The following DZIP3 variants were observed in gnomAD, a reference collection of about 807,000 sequenced individuals.
DZIP3 encodes E3 ubiquitin-protein ligase DZIP3.
A neutral mutation model predicts 162.0 loss-of-function variants in DZIP3; 118 were observed. That is an observed-to-expected ratio of 0.73 (90% CI 0.63 to 0.85). The LOEUF (loss-of-function observed/expected upper bound fraction) is 0.85. DZIP3 is among the 40% of genes least tolerant of loss of function. The pLI is 0.00. For synonymous variants in DZIP3, 438 were observed against 458.6 expected (o/e 0.96, Z 0.57); for missense variants, 1,331 against 1,407.0 (o/e 0.95, Z 0.86).
chr3:108,663,511 G>A (rs1044964835), intron 21 of DZIP3, among the ~76,000 whole-genome samples: 5 of 150,556 alleles, frequency 3.3e-5, no homozygotes, highest in South Asian at 4.2e-4. Flanking sequence ...AGCCGAGATC[G>A]TGCCGTTGCA....
At position 108,646,403 on chromosome 3, in the gene DZIP3, C is replaced by T. The variant is rs375851440; in HGVS notation, c.1760-214C>T. On this transcript the variant is annotated intron_variant, in intron 14 of 32. Coordinates refer to ENST00000361582, the MANE Select transcript of DZIP3 (RefSeq NM_014648.4). ...ATCTGTGATACCACATTTTTGTTTA[C>T]TTTTTTTTCTCTAATCATGGGTTTA... Among the ~76,000 whole-genome samples, 107 of 152,022 alleles carry T rather than the reference C, an allele frequency of 7.0e-4. 1 individual carries two copies. The highest frequency in any genetic ancestry group is 2.4e-3 in the African/African-American group (98 of 41,478).
At position 108,633,054 on chromosome 3, in the gene DZIP3, G is replaced by A. The variant is rs1486320508; in HGVS notation, c.798G>A (p.Leu266=). The A allele has an allele frequency of 4.1e-6, 6 of 1,474,882 alleles. No individual in the cohort carries two copies. Among genetic ancestry groups the A allele is most frequent in the East Asian group, 2.6e-5 (1 of 39,142 alleles). 91.4% of individuals were successfully genotyped at this position (1,474,882 alleles called of 1,614,324 possible). A position where few individuals can be genotyped will look rare whatever the true frequency, so the allele number is the denominator to read the frequency against. The change falls in exon 9 of 33, where the codon TTG becomes TTA. Residue 266 remains leucine (L), a synonymous_variant. Coordinates refer to ENST00000361582, the MANE Select transcript of DZIP3 (RefSeq NM_014648.4). ...DCERSCEADI[L]KNTSYKGFFQ... ...AACGATCTTGTGAAGCTGACATTTTGAAGAACACCAGTTATAAGGTACTGT... is the reference window on the plus strand; with the variant it reads ...AACGATCTTGTGAAGCTGACATTTTAAAGAACACCAGTTATAAGGTACTGT...
At chr3:108,672,715 A>G (rs1309277125) in intron 23 of DZIP3, 59 bp downstream of exon 23, 13 of 1,258,096 alleles carry the variant, frequency 1.0e-5, no homozygotes, top group Non-Finnish European at 1.4e-5. Context: ...CTTGTATACC[A>G]TCATACTAAA....
intron 8 of DZIP3, among the ~76,000 whole-genome samples, chr3:108,632,664 G>A (rs9851755): frequency 0.019 from 2,885 of 152,196 alleles, 98 homozygotes; most frequent in African/African-American, 0.066. Context: ...GTTATGCTAT[G>A]AGTTAGATGA....
At chr3:108,614,076 A>T (rs1278464748) in intron 4 of DZIP3, among the ~76,000 whole-genome samples, 1 of 152,242 alleles carries the variant, frequency 6.6e-6, no homozygotes, top group African/African-American at 2.4e-5. Flanking sequence ...CAAGAAGTTA[A>T]TGGAAGAACA....
At chr3:108,591,510 AC>A in intron 1 of DZIP3, among the ~76,000 whole-genome samples, 1 of 152,370 alleles carries the variant, frequency 6.6e-6, no homozygotes, top group Middle Eastern at 3.4e-3. Context: ...AAGCAGTCAT[AC>A]AAATTTTGTA....
At chr3:108,674,317 G>A (rs41267027) in intron 24 of DZIP3, 136 bp downstream of exon 24, 81,816 of 642,084 alleles carry the variant, frequency 0.13, 8,257 homozygotes, top group East Asian at 0.53. Context: ...GTTTTTTTGG[G>A]TTTTTTTTCA....
chr3:108,645,022 G>A (rs9816453), intron 14 of DZIP3, among the ~76,000 whole-genome samples: 2,895 of 152,242 alleles, frequency 0.019, 99 homozygotes, highest in African/African-American at 0.067. Context: ...ACTATTAATG[G>A]TGTGCAGAAG....
chr3:108,646,193 A>G (rs192509120), intron 14 of DZIP3, among the ~76,000 whole-genome samples: 1 of 152,050 alleles, frequency 6.6e-6, no homozygotes, highest in Non-Finnish European at 1.5e-5. Flanking sequence ...CCTGATGTAC[A>G]TTGTAGGTGC....
At chr3:108,671,765 A>G (rs969118533) in intron 22 of DZIP3, among the ~76,000 whole-genome samples, 1 of 151,964 alleles carries the variant, frequency 6.6e-6, no homozygotes, top group Non-Finnish European at 1.5e-5. Context: ...AGTGCTTATT[A>G]TGTGCCAAAC....
At chr3:108,612,748 T>G (rs1464635702) in intron 4 of DZIP3, among the ~76,000 whole-genome samples, 2 of 152,176 alleles carry the variant, frequency 1.3e-5, no homozygotes, top group Non-Finnish European at 2.9e-5. Context: ...GTATTGTCTT[T>G]TCAATTTTTT....
intron 19 of DZIP3, among the ~76,000 whole-genome samples, chr3:108,656,508 A>G (rs1374582496): frequency 6.6e-6 from 1 of 152,108 alleles, no homozygotes; most frequent in East Asian, 1.9e-4. Context: ...CATCATCATC[A>G]AAGACCAAAG....
At chr3:108,617,623 G>A (rs549741007) in intron 5 of DZIP3, among the ~76,000 whole-genome samples, 1 of 152,312 alleles carries the variant, frequency 6.6e-6, no homozygotes, top group Admixed American at 6.5e-5. Context: ...ATATTATAAT[G>A]ATGTACAAAG....
chr3:108,654,402 A>G, intron 19 of DZIP3, 92 bp downstream of exon 19: 1 of 1,370,310 alleles, frequency 7.3e-7, no homozygotes, highest in Non-Finnish European at 1.0e-6. Flanking sequence ...TGAAAAGCCC[A>G]GTGGTTTATA....
At chr3:108,641,487 G>A (rs1314134685) in intron 12 of DZIP3, among the ~76,000 whole-genome samples, 1 of 152,116 alleles carries the variant, frequency 6.6e-6, no homozygotes, top group Admixed American at 6.6e-5. Context: ...TATAACAATA[G>A]TTTTGCAGTG....
In DZIP3 at chr3:108,633,749, T is replaced by C. The variant is rs567286216; in HGVS notation, c.816+677T>C. On this transcript the variant is annotated intron_variant, in intron 9 of 32. Transcript: ENST00000361582. ...TCTCTCTCTGGATCTATCAGAGTAC[T>C]TCTGATAGATCTCTCTCTCTCTGGA... 2.1e-4 allele frequency among the ~76,000 whole-genome samples: 21 copies of C among 97,816 alleles called. No homozygotes were observed. The South Asian group carries it at 6.2e-3, about 29-fold the overall frequency. The allele number at this position is 97,816 out of a possible 152,430, so 64.2% of individuals were successfully genotyped here. A position where few individuals can be genotyped will look rare whatever the true frequency, so the allele number is the denominator to read the frequency against.
chr3:108,596,645 A>G (rs1454816945), intron 1 of DZIP3, among the ~76,000 whole-genome samples: 2 of 152,102 alleles, frequency 1.3e-5, no homozygotes, highest in African/African-American at 4.8e-5. Context: ...GGCTGTTACA[A>G]TCTACACACG....
intron 21 of DZIP3, 24 bp downstream of exon 21, chr3:108,662,281 G>A: frequency 6.4e-7 from 1 of 1,568,352 alleles, no homozygotes; most frequent in Admixed American, 2.1e-5. Context: ...TTTTGATAAA[G>A]GGAAATTCTG....
chr3:108,641,828 T>C (rs1942413736), intron 12 of DZIP3, among the ~76,000 whole-genome samples: 1 of 152,200 alleles, frequency 6.6e-6, no homozygotes, highest in Non-Finnish European at 1.5e-5. Flanking sequence ...AAGCTTACAT[T>C]GTAGCGTTGT....
Sources: gnomAD v4.1 joint callset for allele counts (sites outside exome capture counted in the v4.1 genomes callset) on GRCh38, gnomAD v4.1.1 for gene constraint, MANE v1.5 for transcripts, NCBI Gene and HGNC (gene_info 2026-07-23, HGNC 2026-07-21) for gene names.